Variants in NRG3 observed in about 807,000 individuals in gnomAD.
The protein encoded by NRG3 is neuregulin 3, also known as pro-neuregulin-3, membrane-bound isoform.
Under a neutral mutation model 66.9 loss-of-function variants are expected in NRG3, and 31 were observed. The ratio of observed to expected loss-of-function variants is 0.46; its 90% CI spans 0.35 to 0.63. The LOEUF (loss-of-function observed/expected upper bound fraction) is 0.63, where lower values mean the gene tolerates loss of function less well. Among genes scored for constraint, NRG3 ranks in the 20% least tolerant of loss-of-function variants. NRG3 has a pLI of 0.00. For synonymous variants in NRG3, 393 were observed against 359.4 expected (o/e 1.09, Z -1.06); for missense variants, 910 against 878.9 (o/e 1.04, Z -0.45).
chr10:82,029,458 A>G (rs1297516971), intron 1 of NRG3, among the ~76,000 whole-genome samples: 1 of 152,108 alleles, frequency 6.6e-6, no homozygotes, highest in Non-Finnish European at 1.5e-5. Flanking sequence ...TTATCTTGCA[A>G]TATGATAGTT....
At chr10:82,963,101 G>T (rs1850832909) in intron 6 of NRG3, among the ~76,000 whole-genome samples, 2 of 152,048 alleles carry the variant, frequency 1.3e-5, no homozygotes, top group Non-Finnish European at 2.9e-5. Context: ...TTAAATCAAA[G>T]TACTATCAGA....
intron 1 of NRG3, among the ~76,000 whole-genome samples, chr10:82,180,785 A>G (rs1473657466): frequency 6.6e-6 from 1 of 151,822 alleles, no homozygotes; most frequent in African/African-American, 2.4e-5. Flanking sequence ...CCCCTCAACC[A>G]CTTCTCAATT....
At chr10:82,595,509 G>A (rs1384233390) in intron 2 of NRG3, among the ~76,000 whole-genome samples, 2 of 152,142 alleles carry the variant, frequency 1.3e-5, no homozygotes, top group Non-Finnish European at 2.9e-5. Context: ...GTTGGGGCCA[G>A]GCGCGATGGC....
intron 3 of NRG3, among the ~76,000 whole-genome samples, chr10:82,822,489 C>T (rs974822925): frequency 2.0e-5 from 3 of 152,130 alleles, no homozygotes; most frequent in Non-Finnish European, 4.4e-5. Flanking sequence ...AGCTTGACTC[C>T]TCAGAGGATC....
At chr10:82,005,056 C>T (rs762097209) in intron 1 of NRG3, among the ~76,000 whole-genome samples, 2 of 152,128 alleles carry the variant, frequency 1.3e-5, no homozygotes, top group Non-Finnish European at 2.9e-5. Context: ...ATTATAAATG[C>T]CAGTTTACAG....
chr10:82,814,664 G>A (rs897075708), intron 3 of NRG3, among the ~76,000 whole-genome samples: 6 of 152,120 alleles, frequency 3.9e-5, no homozygotes. Context: ...TGAGTTTTAG[G>A]ACCAAGAAGT....
intron 3 of NRG3, among the ~76,000 whole-genome samples, chr10:82,843,948 G>T (rs1313290690): frequency 6.6e-6 from 1 of 152,082 alleles, no homozygotes; most frequent in Non-Finnish European, 1.5e-5. Flanking sequence ...AAACATATTA[G>T]ATTTATAAGA....
At chr10:82,089,717 T>C (rs2065921987) in intron 1 of NRG3, among the ~76,000 whole-genome samples, 1 of 152,230 alleles carries the variant, frequency 6.6e-6, no homozygotes, top group African/African-American at 2.4e-5. Context: ...TGCAAACTGA[T>C]TCCATACCTT....
Position 82,527,432 on chromosome 10 carries a change from A to G in NRG3, c.953+168564A>G, listed in dbSNP as rs547431284. On this transcript the variant is annotated intron_variant, in intron 2 of 8. Transcript: ENST00000372141. ...AGTGGCTGTTTGCACACAGAGTGGGAAGGAATTATAGAGGGCTTCTGACAT... is the reference window on the plus strand; with the variant it reads ...AGTGGCTGTTTGCACACAGAGTGGGGAGGAATTATAGAGGGCTTCTGACAT... 2.0e-5 allele frequency among the ~76,000 whole-genome samples: 3 copies of G among 152,320 alleles called. No homozygotes were observed. The East Asian group carries it at 5.8e-4, about 29-fold the overall frequency.
chr10:82,450,587 G>A (rs1187721735), intron 2 of NRG3, among the ~76,000 whole-genome samples: 4 of 152,090 alleles, frequency 2.6e-5, no homozygotes, highest in Non-Finnish European at 4.4e-5. Context: ...ATCTCTTGTT[G>A]CCAAAGCTTC....
chr10:82,967,038 GA>G (rs2132520720), intron 6 of NRG3, among the ~76,000 whole-genome samples: 1 of 151,572 alleles, frequency 6.6e-6, no homozygotes, highest in African/African-American at 2.4e-5. Context: ...TTTCTTTGCA[GA>G]ATTTCATTGG....
intron 1 of NRG3, among the ~76,000 whole-genome samples, chr10:82,274,409 T>C (rs749038054): frequency 2.7e-5 from 4 of 148,860 alleles, no homozygotes; most frequent in African/African-American, 5.1e-5. Flanking sequence ...AGTTGTCAGA[T>C]CTAGAATGAT....
intron 4 of NRG3, among the ~76,000 whole-genome samples, chr10:82,878,373 G>A (rs548925817): frequency 6.6e-6 from 1 of 152,332 alleles, no homozygotes; most frequent in East Asian, 1.9e-4. Context: ...AGCTTACTCT[G>A]TCAGTAGCTG....
chr10:81,959,630 A>G (rs1343049812), intron 1 of NRG3, among the ~76,000 whole-genome samples: 1 of 152,070 alleles, frequency 6.6e-6, no homozygotes, highest in East Asian at 1.9e-4. Context: ...TATTGTTAAA[A>G]TATATTGCAA....
chr10:82,631,604 T>C (rs951955077), intron 2 of NRG3, among the ~76,000 whole-genome samples: 3 of 151,128 alleles, frequency 2.0e-5, no homozygotes, highest in African/African-American at 7.3e-5. Context: ...TTTTTTTTTT[T>C]CAGTCTTTGT....
intron 1 of NRG3, among the ~76,000 whole-genome samples, chr10:81,933,634 G>A (rs551609020): frequency 1.3e-5 from 2 of 151,990 alleles, no homozygotes; most frequent in African/African-American, 4.8e-5. Context: ...TTGTTTCTAC[G>A]GTACTCTATA....
intron 3 of NRG3, among the ~76,000 whole-genome samples, chr10:82,775,867 A>G (rs1271200620): frequency 6.6e-6 from 1 of 152,076 alleles, no homozygotes; most frequent in Non-Finnish European, 1.5e-5. Flanking sequence ...TGTTGTCACA[A>G]TTTACATCTT....
intron 1 of NRG3, among the ~76,000 whole-genome samples, chr10:82,220,039 A>C (rs1241420132): frequency 6.6e-6 from 1 of 152,032 alleles, no homozygotes; most frequent in Non-Finnish European, 1.5e-5. Flanking sequence ...ACCAAAGTCA[A>C]CCAGAAGACG....
At chr10:81,879,666 T>C (rs1202962704) in intron 1 of NRG3, among the ~76,000 whole-genome samples, 1 of 152,312 alleles carries the variant, frequency 6.6e-6, no homozygotes, top group South Asian at 2.1e-4. Flanking sequence ...AGAATGTACA[T>C]TTGATGTTTA....
Sources: allele counts gnomAD v4.1 joint callset (sites outside exome capture counted in the v4.1 genomes callset), GRCh38; gene constraint gnomAD v4.1.1; transcripts MANE v1.5; gene names NCBI Gene and HGNC (gene_info 2026-07-23, HGNC 2026-07-21).